FOXP1: variants seen among roughly 807,000 people sequenced by gnomAD.
FOXP1 encodes the protein forkhead box P1.
In FOXP1, 15 loss-of-function variants were observed where a neutral mutation model predicts 98.2. That is an observed-to-expected ratio of 0.15 (90% CI 0.10 to 0.24). The LOEUF is 0.24. Ranked by LOEUF, FOXP1 falls within the 10% of genes least tolerant of loss-of-function variation. FOXP1 has a pLI of 1.00. For missense variants in FOXP1, 633 were observed against 848.5 expected (o/e 0.75, Z 3.15); for synonymous variants, 371 against 314.5 (o/e 1.18, Z -1.90).
chr3:71,580,044 G>A (rs1308335168), intron 2 of FOXP1, among the ~76,000 whole-genome samples: 3 of 151,956 alleles, frequency 2.0e-5, no homozygotes, highest in East Asian at 3.9e-4. Flanking sequence ...CTGCTTGATC[G>A]AATAGTCCAG....
intron 6 of FOXP1, among the ~76,000 whole-genome samples, chr3:71,112,927 A>C (rs2058059663): frequency 6.6e-6 from 1 of 152,076 alleles, no homozygotes; most frequent in Non-Finnish European, 1.5e-5. Context: ...AGTGATTGAG[A>C]CTCTGAACAA....
At position 70,977,809 on chromosome 3, in the gene FOXP1, CA is replaced by C. The variant is rs1575805509; in HGVS notation, c.1348+18del. 18 of 1,613,632 alleles carry C rather than the reference CA, an allele frequency of 1.1e-5. No individual in the cohort carries two copies. In the East Asian group the frequency reaches 3.8e-4, roughly 34 times the overall value. On this transcript the variant is annotated intron_variant, in intron 15 of 20. Transcript: ENST00000649528. ...TTGCAGATTACAACTCTACGTGAGGCAAAAGGTGGAGTATCTACCTGACGAA... is the reference window on the plus strand; with the variant it reads ...TTGCAGATTACAACTCTACGTGAGGCAAAGGTGGAGTATCTACCTGACGAA...
intron 2 of FOXP1, among the ~76,000 whole-genome samples, chr3:71,541,769 A>G (rs926564752): frequency 6.6e-6 from 1 of 152,220 alleles, no homozygotes; most frequent in African/African-American, 2.4e-5. Context: ...AGACCAATGC[A>G]TTAGAAAGTC....
At position 71,420,509 on chromosome 3, in the gene FOXP1, GA is replaced by G. The variant is rs545267471; in HGVS notation, c.-167-61266del. On this transcript the variant is annotated intron_variant, in intron 3 of 20. Transcript: ENST00000649528. ...CTATCATGGGACTCCTTAAAATGGTGAAAAAAATTCTATGCATACACATAAA... is the reference window on the plus strand; with the variant it reads ...CTATCATGGGACTCCTTAAAATGGTGAAAAAATTCTATGCATACACATAAA... Among the ~76,000 whole-genome samples the G allele has an allele frequency of 4.6e-5, 7 of 152,118 alleles. No individual in the cohort carries two copies. In the East Asian group the frequency reaches 7.7e-4, roughly 17 times the overall value.
chr3:71,029,983 T>C (rs1210756305), intron 11 of FOXP1, among the ~76,000 whole-genome samples: 2 of 152,174 alleles, frequency 1.3e-5, no homozygotes, highest in Admixed American at 6.5e-5. Flanking sequence ...AACTAAAACA[T>C]ATATTAACTC....
intron 6 of FOXP1, among the ~76,000 whole-genome samples, chr3:71,181,592 G>C (rs1314543251): frequency 6.6e-6 from 1 of 152,062 alleles, no homozygotes; most frequent in Non-Finnish European, 1.5e-5. Flanking sequence ...AGCTCCCCAG[G>C]GCAGTTTAAA....
chr3:71,081,036 A>G (rs2054354682), intron 7 of FOXP1, among the ~76,000 whole-genome samples: 2 of 152,220 alleles, frequency 1.3e-5, no homozygotes, highest in African/African-American at 4.8e-5. Context: ...TGCAACTCTG[A>G]AAGTGGCAGA....
chr3:71,095,234 T>C (rs1364314701), intron 7 of FOXP1, among the ~76,000 whole-genome samples: 3 of 152,212 alleles, frequency 2.0e-5, no homozygotes, highest in Admixed American at 6.5e-5. Flanking sequence ...AGGAATCCAA[T>C]TGGTAAATTG....
rs75937053 is a variant in FOXP1 at position 71,411,210 on chromosome 3, G to C, written c.-167-51966C>G. 5.3e-5 allele frequency among the ~76,000 whole-genome samples: 8 copies of C among 151,982 alleles called. No individual in the cohort carries two copies. The East Asian group carries it at 1.4e-3, about 26-fold the overall frequency. The stretch of plus-strand genomic sequence containing the variant: ...CTAGCTCCATTCGCTTCTTTCTTAT[G>C]CATCTGCTCCAGTTCCCCCTCCAGA... On this transcript the variant is annotated intron_variant, in intron 3 of 20. Transcript: ENST00000649528.
At chr3:71,007,477 C>G (rs1290211647) in intron 12 of FOXP1, among the ~76,000 whole-genome samples, 1 of 152,142 alleles carries the variant, frequency 6.6e-6, no homozygotes, top group African/African-American at 2.4e-5. Flanking sequence ...TAGCATATAC[C>G]TGGTTTCTTT....
At chr3:71,222,561 G>A (rs956510137) in intron 5 of FOXP1, among the ~76,000 whole-genome samples, 5 of 152,128 alleles carry the variant, frequency 3.3e-5, no homozygotes, top group African/African-American at 1.2e-4. Flanking sequence ...TGGGATTACA[G>A]GTGCCCGCCA....
intron 3 of FOXP1, among the ~76,000 whole-genome samples, chr3:71,372,471 ACT>A (rs1297026471): frequency 3.3e-5 from 5 of 151,650 alleles, no homozygotes; most frequent in African/African-American, 1.2e-4. Flanking sequence ...TTTCACTTGC[ACT>A]CTCTGCTTCT....
At chr3:71,158,097 A>AAGGAAGGAAGGG (rs1344705163) in intron 6 of FOXP1, among the ~76,000 whole-genome samples, 1 of 21,158 alleles carries the variant, frequency 4.7e-5, no homozygotes, top group African/African-American at 1.1e-4. Flanking sequence ...GGAAGGAAGG[A>AAGGAAGGAAGGG]AGGAAGGAAG....
At chr3:71,301,690 A>G (rs1390527372) in intron 4 of FOXP1, among the ~76,000 whole-genome samples, 1 of 152,216 alleles carries the variant, frequency 6.6e-6, no homozygotes, top group Non-Finnish European at 1.5e-5. Flanking sequence ...AGGCCTGGCA[A>G]ACAACTGGAC....
intron 3 of FOXP1, among the ~76,000 whole-genome samples, chr3:71,446,567 T>C (rs2086466143): frequency 6.6e-6 from 1 of 151,930 alleles, no homozygotes; most frequent in South Asian, 2.1e-4. Context: ...TTAATAAAAG[T>C]AAAAATGAAC....
At position 71,245,044 on chromosome 3, in the gene FOXP1, G is replaced by A. The variant is rs753566628; in HGVS notation, c.-11-46652C>T. The A allele has an allele frequency of 3.0e-4, 45 of 152,158 alleles. 1 individual carries two copies. Among genetic ancestry groups the A allele is most frequent in the Admixed American group, 2.5e-3 (38 of 15,288 alleles). 9.4% of individuals were successfully genotyped at this position (152,158 alleles called of 1,614,324 possible). A position where few individuals can be genotyped will look rare whatever the true frequency, so the allele number is the denominator to read the frequency against. ...CGCAGCTCAGCCTGGGGAAGCGATGGCATAAAAACAGGTTTGCATATACAG... is the reference window on the plus strand; with the variant it reads ...CGCAGCTCAGCCTGGGGAAGCGATGACATAAAAACAGGTTTGCATATACAG... On this transcript the variant is annotated intron_variant, in intron 5 of 20. Coordinates refer to ENST00000649528, the MANE Select transcript of FOXP1 (RefSeq NM_001349338.3).
intron 6 of FOXP1, among the ~76,000 whole-genome samples, chr3:71,121,518 A>C (rs2058772224): frequency 6.6e-6 from 1 of 151,188 alleles, no homozygotes; most frequent in African/African-American, 2.4e-5. Flanking sequence ...TCCCATTAAC[A>C]TAGGGCCCTA....
At chr3:71,538,288 C>T (rs546935428) in intron 2 of FOXP1, among the ~76,000 whole-genome samples, 6 of 152,332 alleles carry the variant, frequency 3.9e-5, no homozygotes, top group African/African-American at 1.2e-4. Context: ...TCACCACCCC[C>T]AAAAGAGATC....
chr3:71,583,151 A>C (rs937520791), intron 1 of FOXP1, among the ~76,000 whole-genome samples: 1 of 151,822 alleles, frequency 6.6e-6, no homozygotes, highest in African/African-American at 2.4e-5. Flanking sequence ...GGGCTTATTG[A>C]TTTCTCTCCC....
Sources: allele counts gnomAD v4.1 joint callset (sites outside exome capture counted in the v4.1 genomes callset), GRCh38; gene constraint gnomAD v4.1.1; transcripts MANE v1.5; gene names NCBI Gene and HGNC (gene_info 2026-07-23, HGNC 2026-07-21).